The following IL21R variants were observed in gnomAD, a reference collection of about 807,000 sequenced individuals.
IL21R encodes interleukin-21 receptor.
A neutral mutation model predicts 41.3 loss-of-function variants in IL21R; 14 were observed. The ratio of observed to expected loss-of-function variants is 0.34; its 90% confidence interval spans 0.22 to 0.53. The LOEUF (loss-of-function observed/expected upper bound fraction) is 0.53. IL21R is among the 20% of genes least tolerant of loss of function. The pLI is 0.94. For synonymous variants in IL21R, 286 were observed against 287.6 expected (o/e 0.99, Z 0.05); for missense variants, 588 against 681.6 (o/e 0.86, Z 1.53).
rs1163938129 is a variant in IL21R at position 27,440,246 on chromosome 16, T to TAGAGAGAG, written c.352+2560_352+2561insGAGAGAGA. Among the ~76,000 whole-genome samples the TAGAGAGAG allele has an allele frequency of 3.6e-3, 279 of 78,590 alleles. 1 individual carries two copies. The highest frequency in any genetic ancestry group is 5.8e-3 in the African/African-American group (89 of 15,374). 51.6% of individuals were successfully genotyped at this position (78,590 alleles called of 152,430 possible). A position where few individuals can be genotyped will look rare whatever the true frequency, so the allele number is the denominator to read the frequency against. The stretch of plus-strand genomic sequence containing the variant: ...AAATATATATATATATATATATATA[T>TAGAGAGAG]ATAGAGAGAGAGAGAGAGAGAGAGA... On this transcript the variant is annotated intron_variant, in intron 4 of 8. Transcript: ENST00000337929.
chr16:27,403,039 C>T (rs2086683736), intron 1 of IL21R: 2 of 457,912 alleles, frequency 4.4e-6, no homozygotes, highest in African/African-American at 2.0e-5. Context: ...CTTGATTCCA[C>T]CCAGTCATTC....
Position 27,449,312 on chromosome 16 carries a change from C to G in IL21R, c.*29C>G. ...GGCTGACTGGATGTCCAGAGCTGGC[C>G]AGGCCACTGGGCCCTGAGCCAGAGA... On this transcript the variant is annotated 3_prime_UTR_variant, in exon 9 of 9. Coordinates refer to ENST00000337929, the MANE Select transcript of IL21R (RefSeq NM_181078.3). The G allele has an allele frequency of 6.4e-7, 1 of 1,554,092 alleles. No homozygotes were observed. Among genetic ancestry groups the G allele is most frequent in the Non-Finnish European group, 8.7e-7 (1 of 1,152,020 alleles).
rs961862211 is a variant in IL21R at position 27,449,502 on chromosome 16, C to CGT, written c.*229_*230dup. ...TCTTAGGTGCGCAGTGGCATGTCCA[C>CGT]GTGTGTGTGTGATTGCACGTGCCTG... On this transcript the variant is annotated 3_prime_UTR_variant, in exon 9 of 9. Coordinates refer to ENST00000337929, the MANE Select transcript of IL21R (RefSeq NM_181078.3). 14 of 579,932 alleles carry CGT rather than the reference C, an allele frequency of 2.4e-5. No homozygotes were observed. The highest frequency in any genetic ancestry group is 4.5e-5 in the South Asian group (2 of 44,392). 35.9% of individuals were successfully genotyped at this position (579,932 alleles called of 1,614,324 possible). A position where few individuals can be genotyped will look rare whatever the true frequency, so the allele number is the denominator to read the frequency against.
At chr16:27,414,465 A>AT (rs1415633775) in intron 1 of IL21R, among the ~76,000 whole-genome samples, 15 of 152,052 alleles carry the variant, frequency 9.9e-5, no homozygotes, top group Non-Finnish European at 2.2e-4. Flanking sequence ...TGTTTCAGAT[A>AT]TTTTTTAGAT....
chr16:27,449,070 G>A lies in IL21R; in HGVS notation c.1404G>A (p.Arg468=), dbSNP rs769059608. Residue 468 remains arginine (R), a synonymous_variant, in exon 9 of 9, where the codon CGG becomes CGA. Transcript: ENST00000337929. ...DWAGGLPWGG[R]SPGGVSESEA... ...CTGGGGGACTGCCCTGGGGTGGCCG[G>A]TCACCTGGAGGGGTCTCAGAGAGTG... 2.5e-6 allele frequency: 4 copies of A among 1,612,834 alleles called. No individual in the cohort carries two copies. Among genetic ancestry groups the A allele is most frequent in the Non-Finnish European group, 3.4e-6 (4 of 1,179,794 alleles).
chr16:27,438,824 C>T (rs912938982), intron 4 of IL21R, among the ~76,000 whole-genome samples: 1 of 152,200 alleles, frequency 6.6e-6, no homozygotes, highest in African/African-American at 2.4e-5. Flanking sequence ...GAGCCAAGAT[C>T]ATGCCACCGC....
At chr16:27,433,498 A>G (rs527638720) in intron 2 of IL21R, among the ~76,000 whole-genome samples, 1 of 152,326 alleles carries the variant, frequency 6.6e-6, no homozygotes, top group South Asian at 2.1e-4. Flanking sequence ...AGTTTCTAGT[A>G]AATAGCAGCA....
intron 1 of IL21R, among the ~76,000 whole-genome samples, chr16:27,413,019 T>C (rs2086844327): frequency 6.6e-6 from 1 of 152,148 alleles, no homozygotes; most frequent in Non-Finnish European, 1.5e-5. Flanking sequence ...AAATGGCAAG[T>C]GTGGGCATCC....
intron 4 of IL21R, among the ~76,000 whole-genome samples, chr16:27,440,244 TATATAGAGAGAG>T (rs1321890834): frequency 4.8e-5 from 4 of 82,590 alleles, no homozygotes; most frequent in South Asian, 3.3e-4. Flanking sequence ...TATATATATA[TATATAGAGAGAG>T]AGAGAGAGAG....
Position 27,450,379 on chromosome 16 carries a change from G to C in IL21R, c.*1096G>C, listed in dbSNP as rs984579660. Reference sequence around the variant, plus strand: ...GCACTCATGGAGGGGGCTGCAGGTTGGAACTATGCAGTGTGCTCCGGCCAC... The same window carrying C: ...GCACTCATGGAGGGGGCTGCAGGTTCGAACTATGCAGTGTGCTCCGGCCAC... On this transcript the variant is annotated 3_prime_UTR_variant, in exon 9 of 9. Transcript: ENST00000337929. The C allele has an allele frequency of 5.6e-5, 13 of 231,360 alleles. No homozygotes were observed. The highest frequency in any genetic ancestry group is 2.2e-4 in the African/African-American group (10 of 45,198). 14.3% of individuals were successfully genotyped at this position (231,360 alleles called of 1,614,324 possible).
In IL21R at chr16:27,437,405, C is replaced by T; in HGVS notation, c.153-83C>T. ...CTCCCAGCCCTGAGAGTCTGGGCTT[C>T]TGCCCTGGCCCTGAGCACTGAGCCC... On this transcript the variant is annotated intron_variant, in intron 3 of 8. Coordinates refer to ENST00000337929, the MANE Select transcript of IL21R (RefSeq NM_181078.3). 4 of 1,145,378 alleles carry T rather than the reference C, an allele frequency of 3.5e-6. No individual in the cohort carries two copies. In the East Asian group the frequency reaches 9.4e-5, roughly 27 times the overall value. The allele number at this position is 1,145,378 out of a possible 1,614,324, so 71.0% of individuals were successfully genotyped here. A position where few individuals can be genotyped will look rare whatever the true frequency, so the allele number is the denominator to read the frequency against.
At chr16:27,437,300 A>T (rs2087287560) in intron 3 of IL21R, among the ~76,000 whole-genome samples, 188 bp from the exon 4 acceptor site, 1 of 152,096 alleles carries the variant, frequency 6.6e-6, no homozygotes, top group Non-Finnish European at 1.5e-5. Context: ...TTCATTGAGG[A>T]TGCTGTAGGG....
At chr16:27,440,248 T>TATATATAGAGAGAGAGAGAG (rs1352160946) in intron 4 of IL21R, among the ~76,000 whole-genome samples, 16 of 64,034 alleles carry the variant, frequency 2.5e-4, no homozygotes, top group South Asian at 5.0e-4. Flanking sequence ...TATATATATA[T>TATATATAGAGAGAGAGAGAG]AGAGAGAGAG....
At chr16:27,416,082 C>T (rs552711143) in intron 1 of IL21R, among the ~76,000 whole-genome samples, 2 of 152,092 alleles carry the variant, frequency 1.3e-5, no homozygotes, top group South Asian at 4.2e-4. Flanking sequence ...ATATAGTTTA[C>T]ATCATTAGTA....
Position 27,449,849 on chromosome 16 carries a change from A to G in IL21R, c.*566A>G, listed in dbSNP as rs529125869. ...AAGGGGATGGAGTGAGCCCATGGTG[A>G]CCTCGGGAATGGCAATTTTTTGGGC... is the stretch of plus-strand genomic sequence containing the variant. On this transcript the variant is annotated 3_prime_UTR_variant, in exon 9 of 9. Transcript: ENST00000337929. The G allele has an allele frequency of 5.0e-4, 117 of 233,256 alleles. No individual in the cohort carries two copies. Among genetic ancestry groups the G allele is most frequent in the African/African-American group, 2.4e-3 (109 of 45,402 alleles). The allele number at this position is 233,256 out of a possible 1,614,324, so 14.4% of individuals were successfully genotyped here.
In IL21R at chr16:27,448,838, C is replaced by T; in HGVS notation, c.1172C>T (p.Pro391Leu). 1.2e-6 allele frequency: 2 copies of T among 1,613,220 alleles called. No individual in the cohort carries two copies. Among genetic ancestry groups the T allele is most frequent in the Non-Finnish European group, 1.7e-6 (2 of 1,180,014 alleles). Residue 391 changes from proline to leucine, a missense_variant, in exon 9 of 9, where the codon CCC becomes CTC. Physicochemically the swap from Pro to Leu is moderately conservative, Grantham distance 98 (BLOSUM62 -3). Transcript: ENST00000337929. ...VLDAEGPCTW[P>L]CSCEDDGYPA... is the part of the protein sequence containing the mutation. ...GATGCAGAGGGGCCATGCACCTGGC[C>T]CTGCAGCTGTGAGGATGACGGCTAC...
At chr16:27,432,406 T>C (rs1332190352) in intron 2 of IL21R, among the ~76,000 whole-genome samples, 3 of 152,168 alleles carry the variant, frequency 2.0e-5, no homozygotes, top group Admixed American at 6.5e-5. Context: ...ACCCCAGACA[T>C]GGGATGGCCC....
rs762399005 is a variant in IL21R, at chr16:27,430,044, C to A, written c.-16-12C>A. On this transcript the variant is annotated splice_polypyrimidine_tract_variant and intron_variant, in intron 1 of 8. Coordinates refer to ENST00000337929, the MANE Select transcript of IL21R (RefSeq NM_181078.3). ...CCCGCCTGGCTCACCCTCCACTGTACGTCTCTTGCAGGCCCGTGGGAGTCA... is the reference window on the plus strand; with the variant it reads ...CCCGCCTGGCTCACCCTCCACTGTAAGTCTCTTGCAGGCCCGTGGGAGTCA... 7.5e-6 allele frequency: 12 copies of A among 1,604,990 alleles called. No homozygotes were observed. The highest frequency in any genetic ancestry group is 6.8e-6 in the Non-Finnish European group (8 of 1,179,420).
intron 1 of IL21R, among the ~76,000 whole-genome samples, chr16:27,416,073 T>C (rs2086890988): frequency 6.6e-6 from 1 of 152,234 alleles, no homozygotes; most frequent in South Asian, 2.1e-4. Flanking sequence ...TAATTCTGCA[T>C]ATAGTTTACA....
Sources: allele counts gnomAD v4.1 joint callset (sites outside exome capture counted in the v4.1 genomes callset), GRCh38; gene constraint gnomAD v4.1.1; transcripts MANE v1.5; gene names NCBI Gene and HGNC (gene_info 2026-07-23, HGNC 2026-07-21).